ZNF182: variants seen among roughly 807,000 people sequenced by gnomAD.
ZNF182 encodes zinc finger protein 182, also known as zinc finger protein 21 (KOX 14).
Under a neutral mutation model 28.1 loss-of-function variants are expected in ZNF182, and 10 were observed. The ratio of observed to expected loss-of-function variants is 0.36; its 90% CI spans 0.22 to 0.60. ZNF182 has a LOEUF of 0.60. ZNF182 is among the 20% of genes least tolerant of loss of function. ZNF182 has a pLI of 0.75. For synonymous variants in ZNF182, 156 were observed against 158.7 expected (o/e 0.98, Z 0.13); for missense variants, 352 against 453.2 (o/e 0.78, Z 2.03).
Position 47,977,388 on chromosome X carries a change from G to C in ZNF182, c.642C>G (p.Pro214=). Residue 214 remains proline, a synonymous_variant, in exon 6 of 6, where the codon CCC becomes CCG. Coordinates refer to ENST00000376943, the MANE Select transcript of ZNF182 (RefSeq NM_001007088.2). ...LHQRIKNGEK[P]FECTACRKTF... is the part of the protein sequence containing the mutation. Reference sequence around the variant, plus strand: ...TTTTCCTACATGCAGTACATTCAAAGGGTTTCTCTCCATTTTTAATTCTCT... The same window carrying C: ...TTTTCCTACATGCAGTACATTCAAACGGTTTCTCTCCATTTTTAATTCTCT... 1 of 1,207,013 alleles carries C rather than the reference G, an allele frequency of 8.3e-7. No individual in the cohort carries two copies.
At chrX:47,987,141 C>A (rs1480615947) in intron 3 of ZNF182, among the ~76,000 whole-genome samples, 1 of 111,757 alleles carries the variant, frequency 8.9e-6, no homozygotes, top group Non-Finnish European at 1.9e-5. Context: ...GAAGTCATTG[C>A]AACTTAATAT....
intron 3 of ZNF182, among the ~76,000 whole-genome samples, chrX:47,993,102 G>T (rs2058947357): frequency 8.8e-6 from 1 of 113,116 alleles, no homozygotes; most frequent in African/African-American, 3.2e-5. Flanking sequence ...GGAGGGAACA[G>T]GGGCTACAGA....
chrX:47,986,751 A>T (rs2058924580), intron 3 of ZNF182, among the ~76,000 whole-genome samples: 1 of 111,991 alleles, frequency 8.9e-6, no homozygotes, highest in African/African-American at 3.2e-5. Context: ...CCATCTAATC[A>T]GCTGCCAGGG....
chrX:47,992,155 A>G (rs998668722), intron 3 of ZNF182, among the ~76,000 whole-genome samples: 3 of 112,163 alleles, frequency 2.7e-5, no homozygotes, highest in Non-Finnish European at 5.6e-5. Flanking sequence ...GACACCATGC[A>G]GATGCAGCAG....
intron 3 of ZNF182, among the ~76,000 whole-genome samples, chrX:47,994,649 G>T (rs1162690658): frequency 9.0e-6 from 1 of 111,484 alleles, no homozygotes; most frequent in Non-Finnish European, 1.9e-5. Context: ...ATACTTTTTT[G>T]TGTGTGTAAG....
At chrX:47,989,919 C>T (rs1556900262) in intron 3 of ZNF182, among the ~76,000 whole-genome samples, 1 of 111,294 alleles carries the variant, frequency 9.0e-6, no homozygotes, top group Non-Finnish European at 1.9e-5. Context: ...TGGCCAGCCC[C>T]ACTCTTACAA....
intron 4 of ZNF182, 78 bp downstream of exon 4, chrX:47,983,207 G>C: frequency 1.7e-6 from 2 of 1,180,938 alleles, no homozygotes; most frequent in Non-Finnish European, 2.3e-6. Context: ...AGAGAAAAGA[G>C]GGAACTGAGA....
At chrX:47,994,484 G>A (rs2058951591) in intron 3 of ZNF182, among the ~76,000 whole-genome samples, 1 of 111,397 alleles carries the variant, frequency 9.0e-6, no homozygotes. Flanking sequence ...ACAACAGAGC[G>A]GAAAAATGAC....
At position 47,977,609 on chromosome X, in the gene ZNF182, G is replaced by T; in HGVS notation, c.421C>A (p.His141Asn). The T allele has an allele frequency of 8.3e-7, 1 of 1,208,889 alleles. No individual in the cohort carries two copies. The highest frequency in any genetic ancestry group is 1.1e-6 in the Non-Finnish European group (1 of 893,982). Residue 141 changes from histidine (H) to asparagine (N), a missense_variant, in exon 6 of 6, where the codon CAC becomes AAC. His to Asn is a moderately conservative substitution (Grantham distance 68). Coordinates refer to ENST00000376943, the MANE Select transcript of ZNF182 (RefSeq NM_001007088.2). ...LVASIQRPDKHESFGNNMVDN... is the reference protein window; with the variant it reads ...LVASIQRPDKNESFGNNMVDN... ...ACCATATTATTTCCAAATGATTCGTGTTTATCGGGTCTTTGTATTGAAGCA... is the reference window on the plus strand; with the variant it reads ...ACCATATTATTTCCAAATGATTCGTTTTTATCGGGTCTTTGTATTGAAGCA...
rs1556899307 is a variant in ZNF182, at chrX:47,982,941, C to A, written c.232+8G>T. The A allele has an allele frequency of 8.3e-7, 1 of 1,209,313 alleles. No individual in the cohort carries two copies. The highest frequency in any genetic ancestry group is 1.8e-5 in the South Asian group (1 of 56,901). ...TGTCCCCAGAGCCTGGGTCAAAATT[C>A]CACTTACCTGGAAAGTTCCAAAATG... On this transcript the variant is annotated splice_region_variant and intron_variant, in intron 5 of 5. Transcript: ENST00000376943.
At chrX:47,992,268 A>G (rs1603227202) in intron 3 of ZNF182, among the ~76,000 whole-genome samples, 2 of 112,151 alleles carry the variant, frequency 1.8e-5, no homozygotes, top group East Asian at 5.6e-4. Flanking sequence ...CACTTTGAAT[A>G]TAAGTTGGAC....
chrX:47,986,238 A>T (rs782622740), intron 3 of ZNF182, among the ~76,000 whole-genome samples: 1 of 112,790 alleles, frequency 8.9e-6, no homozygotes, highest in South Asian at 3.6e-4. Context: ...TATCAATATC[A>T]GCTATGACCA....
At chrX:47,983,711 G>A (rs1271746888) in intron 3 of ZNF182, among the ~76,000 whole-genome samples, 2 of 112,059 alleles carry the variant, frequency 1.8e-5, no homozygotes, top group Admixed American at 9.5e-5. Flanking sequence ...AGTTGGCACA[G>A]TAAAGCAGTA....
chrX:47,994,638 C>A, intron 3 of ZNF182, among the ~76,000 whole-genome samples: 1 of 111,736 alleles, frequency 8.9e-6, no homozygotes. Flanking sequence ...TTTAACCAAT[C>A]ATACTTTTTT....
rs2058886180 is a variant in ZNF182 at position 47,976,832 on chromosome X, C to A, written c.1198G>T (p.Val400Leu). Residue 400 changes from valine (V) to leucine (L), a missense_variant, in exon 6 of 6, where the codon GTG (valine) becomes TTG (leucine). By Grantham distance (32) the Val-to-Leu change is conservative (BLOSUM62 1). Transcript: ENST00000376943. ...TCTCCTGTATGAGTTCTTTGATGCA[C>A]AATGAGGGTTGACTTCTCATTGAAA... ...KSFNEKSTLI[V>L]HQRTHTGEKP... 1 of 1,208,646 alleles carries A rather than the reference C, an allele frequency of 8.3e-7. No individual in the cohort carries two copies. The highest frequency in any genetic ancestry group is 2.2e-5 in the Admixed American group (1 of 45,576).
rs1556898554 is a variant in ZNF182 at position 47,977,780 on chromosome X, C to G, written c.250G>C (p.Glu84Gln). Reference sequence around the variant, plus strand: ...TCCTGATGTTGCCTCTCAATCTGTTCATCAACTTGACAGACTTCTAGAAAG... The same window carrying G: ...TCCTGATGTTGCCTCTCAATCTGTTGATCAACTTGACAGACTTCTAGAAAG... ...WNFPEVCQVD[E>Q]QIERQHQDDQ... is the part of the protein sequence containing the mutation. Residue 84 changes from glutamate (E) to glutamine (Q), a missense_variant, in exon 6 of 6, where the codon GAA becomes CAA. Physicochemically the swap from Glu to Gln is conservative, Grantham distance 29. Transcript: ENST00000376943. The G allele has an allele frequency of 8.5e-7, 1 of 1,178,118 alleles. No individual in the cohort carries two copies. Among genetic ancestry groups the G allele is most frequent in the South Asian group, 2.0e-5 (1 of 50,949 alleles).
At chrX:47,982,576 T>A (rs898998874) in intron 5 of ZNF182, among the ~76,000 whole-genome samples, 3 of 112,143 alleles carry the variant, frequency 2.7e-5, no homozygotes, top group Non-Finnish European at 5.6e-5. Flanking sequence ...GGTTGTTCAA[T>A]CTGAAATTAG....
chrX:48,003,020 T>A (rs1178879652), intron 2 of ZNF182, among the ~76,000 whole-genome samples: 1 of 112,079 alleles, frequency 8.9e-6, no homozygotes, highest in Non-Finnish European at 1.9e-5. Flanking sequence ...AAGGGATTAA[T>A]AATAACAAAA....
chrX:47,982,831 G>C, intron 5 of ZNF182, 118 bp downstream of exon 5: 1 of 648,049 alleles, frequency 1.5e-6, no homozygotes. Flanking sequence ...TCCTCCAACA[G>C]TGCCAAGGGC....
Sources: allele counts gnomAD v4.1 joint callset (sites outside exome capture counted in the v4.1 genomes callset), GRCh38; gene constraint gnomAD v4.1.1; transcripts MANE v1.5; gene names NCBI Gene and HGNC (gene_info 2026-07-23, HGNC 2026-07-21).